SYT1: variants seen among roughly 807,000 people sequenced by gnomAD.
SYT1 encodes the protein synaptotagmin 1.
Under a neutral mutation model 44.8 loss-of-function variants are expected in SYT1, and 8 were observed. That is an observed-to-expected ratio of 0.18 (90% CI 0.10 to 0.32). SYT1 has a LOEUF of 0.32. Among genes scored for constraint, SYT1 ranks in the 10% least tolerant of loss-of-function variants. The pLI, the probability that SYT1 is intolerant of heterozygous loss-of-function variation, is 1.00. For synonymous variants in SYT1, 154 were observed against 188.8 expected (o/e 0.82, Z 1.51); for missense variants, 286 against 509.3 (o/e 0.56, Z 4.22).
chr12:78,909,343 C>T (rs962648612), intron 1 of SYT1, among the ~76,000 whole-genome samples: 1 of 151,756 alleles, frequency 6.6e-6, no homozygotes. Context: ...TCCTTATTTT[C>T]TAGGTAGAAA....
intron 2 of SYT1, among the ~76,000 whole-genome samples, chr12:79,013,831 G>T (rs1204951731): frequency 1.3e-5 from 2 of 152,076 alleles, no homozygotes; most frequent in Non-Finnish European, 2.9e-5. Flanking sequence ...CATTTTGTTA[G>T]AAAATAAGCC....
intron 3 of SYT1, among the ~76,000 whole-genome samples, chr12:79,088,738 C>CTGTG (rs571903732): frequency 0.064 from 8,715 of 137,146 alleles, 307 homozygotes; most frequent in Non-Finnish European, 0.08. Flanking sequence ...GGCTTTGGGC[C>CTGTG]TGTGTGTGTG....
intron 1 of SYT1, among the ~76,000 whole-genome samples, chr12:78,910,725 AG>A (rs905458958): frequency 3.9e-5 from 6 of 152,034 alleles, no homozygotes; most frequent in Admixed American, 2.0e-4. Context: ...TCTACAGAAG[AG>A]GGTAAAATAT....
chr12:79,170,742 G>A lies in SYT1; in HGVS notation c.-17-46761G>A, dbSNP rs143114371. On this transcript the variant is annotated intron_variant, in intron 3 of 10. Transcript: ENST00000261205. ...GTCAATTTTTACATTTGTTGCAATT[G>A]CTTTTGGTATCTTCATCATGAAATC... Among the ~76,000 whole-genome samples, 723 of 152,138 alleles carry A rather than the reference G, an allele frequency of 4.8e-3. 5 individuals are homozygous for A. Among genetic ancestry groups the A allele is most frequent in the African/African-American group, 0.017 (691 of 41,544 alleles).
At chr12:78,931,219 GAAAGAA>G (rs1382571491) in intron 1 of SYT1, among the ~76,000 whole-genome samples, 6 of 57,462 alleles carry the variant, frequency 1.0e-4, no homozygotes, top group Admixed American at 6.4e-4. Context: ...AAGAAAGAAA[GAAAGAA>G]AGAAAGAAAG....
chr12:79,353,456 A>T, intron 8 of SYT1, 46 bp from the exon 9 acceptor site: 1 of 1,334,488 alleles, frequency 7.5e-7, no homozygotes, highest in Non-Finnish European at 1.1e-6. Context: ...AACTCTATTT[A>T]CTTGTATTTG....
intron 8 of SYT1, among the ~76,000 whole-genome samples, chr12:79,332,118 C>T (rs1179716191): frequency 6.6e-6 from 1 of 152,036 alleles, no homozygotes; most frequent in Non-Finnish European, 1.5e-5. Flanking sequence ...CCAAAAAATC[C>T]CTGGTATCTC....
intron 3 of SYT1, among the ~76,000 whole-genome samples, chr12:79,092,655 GT>G (rs755513383): frequency 2.0e-5 from 3 of 151,652 alleles, no homozygotes; most frequent in African/African-American, 4.8e-5. Flanking sequence ...TTTGAGTTCA[GT>G]TTTTTCACTG....
Position 79,118,855 on chromosome 12 carries a change from A to G in SYT1, c.-18+71493A>G, listed in dbSNP as rs371445998. ...TTACTTGGTTTCAATTGCTACTTATATACTCTGATTACTCTCAAATCCATT... is the reference window on the plus strand; with the variant it reads ...TTACTTGGTTTCAATTGCTACTTATGTACTCTGATTACTCTCAAATCCATT... On this transcript the variant is annotated intron_variant, in intron 3 of 10. Coordinates refer to ENST00000261205, the MANE Select transcript of SYT1 (RefSeq NM_005639.3). 5.9e-5 allele frequency among the ~76,000 whole-genome samples: 9 copies of G among 152,248 alleles called. No homozygotes were observed. In the East Asian group the frequency reaches 9.7e-4, roughly 16 times the overall value.
chr12:79,008,735 C>T (rs928519100), intron 2 of SYT1, among the ~76,000 whole-genome samples: 5 of 152,052 alleles, frequency 3.3e-5, no homozygotes, highest in South Asian at 2.1e-4. Context: ...GCTCCAAATG[C>T]CTTCTCAGCC....
At chr12:79,135,947 TG>T in intron 3 of SYT1, among the ~76,000 whole-genome samples, 1 of 152,288 alleles carries the variant, frequency 6.6e-6, no homozygotes, top group Admixed American at 6.5e-5. Context: ...CAAATCAAAG[TG>T]GCAAGCTTTC....
chr12:79,132,013 G>A (rs1452323054), intron 3 of SYT1, among the ~76,000 whole-genome samples: 1 of 152,160 alleles, frequency 6.6e-6, no homozygotes, highest in East Asian at 1.9e-4. Context: ...GTTAAATGCT[G>A]CAATACCATG....
At position 78,878,142 on chromosome 12, in the gene SYT1, T is replaced by G. The variant is rs188321908; in HGVS notation, c.-217+13033T>G. Among the ~76,000 whole-genome samples, 66 of 151,428 alleles carry G rather than the reference T, an allele frequency of 4.4e-4. No homozygotes were observed. The East Asian group carries it at 6.1e-3, about 14-fold the overall frequency. The stretch of plus-strand genomic sequence containing the variant: ...TGGGGTTGATATATTGCACTCTTTT[T>G]TGTGTGTGTGTGTGTGGATAAACTT... On this transcript the variant is annotated intron_variant, in intron 1 of 10. Coordinates refer to ENST00000261205, the MANE Select transcript of SYT1 (RefSeq NM_005639.3).
chr12:78,929,085 A>G (rs1209207551), intron 1 of SYT1, among the ~76,000 whole-genome samples: 1 of 152,086 alleles, frequency 6.6e-6, no homozygotes, highest in Admixed American at 6.6e-5. Context: ...AATAATAATC[A>G]GGAAATTTGG....
At chr12:79,131,205 A>G (rs1868796550) in intron 3 of SYT1, among the ~76,000 whole-genome samples, 1 of 151,700 alleles carries the variant, frequency 6.6e-6, no homozygotes, top group South Asian at 2.1e-4. Context: ...ACATAGGTAT[A>G]CATGTGCCAT....
intron 4 of SYT1, among the ~76,000 whole-genome samples, chr12:79,243,890 C>CAGGA (rs747503299): frequency 1.9e-4 from 28 of 148,716 alleles, no homozygotes; most frequent in East Asian, 1.2e-3. Context: ...GGAAGGAAGG[C>CAGGA]AGGAAGGAAG....
At chr12:78,897,657 G>C (rs537594821) in intron 1 of SYT1, among the ~76,000 whole-genome samples, 1 of 152,124 alleles carries the variant, frequency 6.6e-6, no homozygotes, top group South Asian at 2.1e-4. Flanking sequence ...CTTATTAAGT[G>C]CTACAGGCAG....
chr12:79,425,504 C>T (rs1869393124), intron 9 of SYT1, among the ~76,000 whole-genome samples: 1 of 152,108 alleles, frequency 6.6e-6, no homozygotes, highest in Non-Finnish European at 1.5e-5. Context: ...ATAGACTTGT[C>T]CTTATGCCCA....
intron 1 of SYT1, among the ~76,000 whole-genome samples, chr12:78,974,975 C>T (rs1868712522): frequency 6.6e-6 from 1 of 152,072 alleles, no homozygotes; most frequent in East Asian, 1.9e-4. Context: ...CTCCGTGTTT[C>T]TCTAAACTCA....
Sources: gnomAD v4.1 joint callset for allele counts (sites outside exome capture counted in the v4.1 genomes callset) on GRCh38, gnomAD v4.1.1 for gene constraint, MANE v1.5 for transcripts, NCBI Gene and HGNC (gene_info 2026-07-23, HGNC 2026-07-21) for gene names.